TRAK1: variants seen among roughly 807,000 people sequenced by gnomAD.
The protein encoded by TRAK1 is trafficking kinesin-binding protein 1.
Under a neutral mutation model 92.1 loss-of-function variants are expected in TRAK1, and 33 were observed. The ratio of observed to expected loss-of-function variants is 0.36; its 90% confidence interval spans 0.27 to 0.48. The LOEUF is 0.48. Ranked by LOEUF, TRAK1 falls within the 20% of genes least tolerant of loss-of-function variation. The probability of loss-of-function intolerance (pLI) is 0.99; values close to 1 mark genes in which losing one functional copy is unlikely to be tolerated. For synonymous variants in TRAK1, 521 were observed against 517.3 expected, an observed-to-expected ratio of 1.01 and a Z score of -0.10; for missense variants, 1,123 against 1,257.9, an observed-to-expected ratio of 0.89 and a Z score of 1.62.
chr3:42,019,159 A>G (rs914108832), intron 1 of TRAK1, among the ~76,000 whole-genome samples: 3 of 152,178 alleles, frequency 2.0e-5, no homozygotes, highest in African/African-American at 4.8e-5. Context: ...TAGAATAGGG[A>G]TATAGGATCT....
chr3:42,088,831 C>T (rs950301050), upstream of TRAK1, among the ~76,000 whole-genome samples: 1 of 152,226 alleles, frequency 6.6e-6, no homozygotes, highest in Admixed American at 6.5e-5. Flanking sequence ...GTTTCTTCTT[C>T]TCCCAAGCCT....
chr3:42,128,236 TG>T (rs1710838430), intron 2 of TRAK1, among the ~76,000 whole-genome samples: 1 of 151,974 alleles, frequency 6.6e-6, no homozygotes, highest in African/African-American at 2.4e-5. Context: ...AGAGAGTGAG[TG>T]TCTTTTTTGT....
intron 1 of TRAK1, among the ~76,000 whole-genome samples, chr3:42,022,593 GC>G (rs1291832009): frequency 1.3e-5 from 2 of 152,010 alleles, no homozygotes; most frequent in African/African-American, 4.8e-5. Context: ...ATGGTGGTGT[GC>G]CCCAGTAGTC....
At chr3:42,078,850 T>G (rs1328914982) in intron 1 of TRAK1, among the ~76,000 whole-genome samples, 4 of 151,772 alleles carry the variant, frequency 2.6e-5, no homozygotes, top group African/African-American at 9.7e-5. Context: ...CCATATGCTG[T>G]CATTGGCTCT....
rs946007651 is a variant in TRAK1, at chr3:42,117,458, G to C, written c.92-7962G>C. Among the ~76,000 whole-genome samples the C allele has an allele frequency of 2.0e-5, 3 of 151,748 alleles. No homozygotes were observed. The East Asian group carries it at 5.8e-4, about 29-fold the overall frequency. ...TGTTCTTCTCTCCTCCTTTGCTTTT[G>C]CTTGAGCTTTCTCTCACTAGGTTTT... On this transcript the variant is annotated intron_variant, in intron 1 of 15. Coordinates refer to ENST00000327628, the MANE Select transcript of TRAK1 (RefSeq NM_001042646.3).
At chr3:42,056,224 G>T (rs530542305) in intron 1 of TRAK1, among the ~76,000 whole-genome samples, 1 of 152,068 alleles carries the variant, frequency 6.6e-6, no homozygotes, top group African/African-American at 2.4e-5. Context: ...TAGATCATGT[G>T]GTAACTCTGT....
chr3:42,072,023 G>A (rs1703953246), intron 1 of TRAK1, among the ~76,000 whole-genome samples: 1 of 152,184 alleles, frequency 6.6e-6, no homozygotes, highest in South Asian at 2.1e-4. Context: ...CTGATTGGAC[G>A]TTACAGTGGG....
chr3:42,135,141 T>G (rs562593762), intron 2 of TRAK1, among the ~76,000 whole-genome samples: 1 of 152,162 alleles, frequency 6.6e-6, no homozygotes, highest in Non-Finnish European at 1.5e-5. Flanking sequence ...TGCCAGGTAG[T>G]GTTTGTAACT....
rs766688579 is a variant in TRAK1 at position 42,223,652 on chromosome 3, C to T, written c.2777C>T (p.Ser926Phe). The change falls in exon 16 of 16, where the codon TCT (serine) becomes TTT (phenylalanine). Residue 926 changes from serine to phenylalanine, a missense_variant. Ser to Phe is a radical substitution (Grantham distance 155, BLOSUM62 -2). Transcript: ENST00000327628. The surrounding 1 kb of genome is among the most constrained non-coding windows in gnomAD (Gnocchi z 6.1). ...RNRSFPTMVGSSMQMKAPVTL... is the reference protein window; with the variant it reads ...RNRSFPTMVGFSMQMKAPVTL... ...CGCAGCTTCCCCACCATGGTGGGAT[C>T]TAGCATGCAGATGAAAGCTCCTGTG... The T allele has an allele frequency of 6.2e-7, 1 of 1,614,140 alleles. No individual in the cohort carries two copies. Among genetic ancestry groups the T allele is most frequent in the South Asian group, 1.1e-5 (1 of 91,082 alleles).
At chr3:42,169,760 G>A (rs971837638) in intron 2 of TRAK1, among the ~76,000 whole-genome samples, 1 of 152,142 alleles carries the variant, frequency 6.6e-6, no homozygotes, top group African/African-American at 2.4e-5. Context: ...GCTGTAAGCT[G>A]AGTCACAACA....
chr3:42,180,361 C>T (rs544979366), intron 3 of TRAK1, among the ~76,000 whole-genome samples: 24 of 152,146 alleles, frequency 1.6e-4, no homozygotes, highest in Middle Eastern at 3.4e-3. Flanking sequence ...GGCTGAGCAA[C>T]GTGGCTCACA....
At chr3:42,211,210 A>C in intron 14 of TRAK1, 1 of 985,374 alleles carries the variant, frequency 1.0e-6, no homozygotes, top group East Asian at 1.1e-4. Flanking sequence ...GAAAGAGCTG[A>C]GGTTCTTGGT....
At chr3:42,063,916 A>G (rs1703562374) in intron 1 of TRAK1, among the ~76,000 whole-genome samples, 2 of 152,194 alleles carry the variant, frequency 1.3e-5, no homozygotes. Context: ...AACTTTTAAA[A>G]TTGAGTCTAA....
chr3:42,141,853 G>C (rs1323049381), intron 2 of TRAK1, among the ~76,000 whole-genome samples: 3 of 152,084 alleles, frequency 2.0e-5, no homozygotes, highest in African/African-American at 7.2e-5. Context: ...TACACCAGCA[G>C]GGCCGGGCAC....
At chr3:42,096,891 T>C (rs1207863087) in intron 1 of TRAK1, among the ~76,000 whole-genome samples, 1 of 152,232 alleles carries the variant, frequency 6.6e-6, no homozygotes, top group Non-Finnish European at 1.5e-5. Flanking sequence ...TTAAACAGTG[T>C]GCAACAAGAA....
intron 1 of TRAK1, among the ~76,000 whole-genome samples, chr3:42,121,251 G>A (rs1269081493): frequency 6.6e-6 from 1 of 151,560 alleles, no homozygotes; most frequent in Non-Finnish European, 1.5e-5. Context: ...AAGCATTCCT[G>A]GGGAATTCTT....
At chr3:42,035,658 A>G (rs1327467342) in intron 1 of TRAK1, among the ~76,000 whole-genome samples, 1 of 152,086 alleles carries the variant, frequency 6.6e-6, no homozygotes, top group African/African-American at 2.4e-5. Flanking sequence ...GGCTGCTCTA[A>G]TGTTTTCTCT....
intron 2 of TRAK1, among the ~76,000 whole-genome samples, chr3:42,127,980 A>G (rs1710806870): frequency 6.6e-6 from 1 of 152,232 alleles, no homozygotes; most frequent in South Asian, 2.1e-4. Context: ...GGAGTTTGAG[A>G]CCAGCCTGAC....
chr3:42,214,140 T>C (rs1709394794), intron 14 of TRAK1, among the ~76,000 whole-genome samples: 1 of 152,164 alleles, frequency 6.6e-6, no homozygotes, highest in Admixed American at 6.5e-5. Context: ...TATCCTCACC[T>C]CTGAACACTA....
Sources: gnomAD v4.1 joint callset for allele counts (sites outside exome capture counted in the v4.1 genomes callset) on GRCh38, gnomAD v4.1.1 for gene constraint, Gnocchi (gnomAD v3.1) non-coding constraint, MANE v1.5 for transcripts, NCBI Gene and HGNC (gene_info 2026-07-23, HGNC 2026-07-21) for gene names.